Variants in LIPC observed in about 807,000 individuals in gnomAD.
The protein encoded by LIPC is lipase C, hepatic type.
A neutral mutation model predicts 50.7 loss-of-function variants in LIPC; 44 were observed. The ratio of observed to expected loss-of-function variants is 0.87; its 90% CI spans 0.68 to 1.11. The LOEUF (loss-of-function observed/expected upper bound fraction) is 1.11, where lower values mean the gene tolerates loss of function less well. Ranked by LOEUF, LIPC falls within the 50% of genes most tolerant of loss-of-function variation. The pLI is 0.00. For synonymous variants in LIPC, 271 were observed against 256.4 expected (o/e 1.06, Z -0.54); for missense variants, 697 against 648.2 (o/e 1.08, Z -0.82).
intron 1 of LIPC, among the ~76,000 whole-genome samples, chr15:58,445,500 T>C (rs1391020544): frequency 6.6e-6 from 1 of 152,226 alleles, no homozygotes; most frequent in Non-Finnish European, 1.5e-5. Flanking sequence ...GGTGGGATGA[T>C]GGCTGGTGCC....
At chr15:58,530,068 T>C (rs1401497809) in intron 1 of LIPC, among the ~76,000 whole-genome samples, 6 of 149,774 alleles carry the variant, frequency 4.0e-5, no homozygotes, top group African/African-American at 1.5e-4. Context: ...GTGTTACCTA[T>C]ATCCTTGATT....
chr15:58,475,226 C>T (rs877480), intron 1 of LIPC, among the ~76,000 whole-genome samples: 10,777 of 152,250 alleles, frequency 0.071, 496 homozygotes, highest in Non-Finnish European at 0.11. Context: ...CCTGTGCTCC[C>T]ACAACAACAG....
chr15:58,446,393 C>T (rs1414181792), intron 1 of LIPC, among the ~76,000 whole-genome samples: 1 of 152,084 alleles, frequency 6.6e-6, no homozygotes, highest in Non-Finnish European at 1.5e-5. Context: ...CATCACCACA[C>T]CTCAGAAAAT....
chr15:58,558,071 CTTT>C (rs56254789), intron 6 of LIPC, among the ~76,000 whole-genome samples: 232 of 147,754 alleles, frequency 1.6e-3, no homozygotes, highest in African/African-American at 4.9e-3. Context: ...TAGCTCTTTT[CTTT>C]TTTTTTTTTT....
chr15:58,456,318 A>C (rs4775048), intron 1 of LIPC: 15,113 of 152,318 alleles, frequency 0.099, 831 homozygotes, highest in Admixed American at 0.12. Flanking sequence ...GTTAGAAGAA[A>C]ATGCACTTAA....
chr15:58,471,330 G>GGA (rs1555399319), intron 1 of LIPC, among the ~76,000 whole-genome samples: 3 of 118,334 alleles, frequency 2.5e-5, no homozygotes, highest in South Asian at 6.3e-4. Flanking sequence ...AGTAGAGATG[G>GGA]GGGGGGGTGG....
At chr15:58,498,766 G>T (rs1027670315) in intron 1 of LIPC, 5 of 152,316 alleles carry the variant, frequency 3.3e-5, no homozygotes, top group African/African-American at 9.6e-5. Flanking sequence ...ACAAAACCCA[G>T]GTTCAAATCC....
chr15:58,515,154 T>C (rs1419576116), intron 1 of LIPC, among the ~76,000 whole-genome samples: 2 of 152,166 alleles, frequency 1.3e-5, no homozygotes, highest in African/African-American at 4.8e-5. Context: ...TGTGATTACA[T>C]TGGGCCCATT....
chr15:58,548,554 G>A lies in LIPC; in HGVS notation c.1033G>A (p.Ala345Thr). 6.3e-7 allele frequency: 1 copy of A among 1,592,400 alleles called. No individual in the cohort carries two copies. The highest frequency in any genetic ancestry group is 8.5e-7 in the Non-Finnish European group (1 of 1,170,090). ...CAAGAGGCTCTTCCTCGTAACGCGA[G>A]CCCAGTCCCCCTTCAAAGGTGAGTG... ...KSKRLFLVTR[A>T]QSPFKVYHYQ... Residue 345 changes from alanine to threonine, a missense_variant, in exon 6 of 9, where the codon GCC (alanine) becomes ACC (threonine). Coordinates refer to ENST00000299022, the MANE Select transcript of LIPC (RefSeq NM_000236.3).
intron 1 of LIPC, among the ~76,000 whole-genome samples, chr15:58,488,064 A>T (rs1307842673): frequency 2.6e-5 from 4 of 152,238 alleles, no homozygotes; most frequent in African/African-American, 9.6e-5. Context: ...CGAGGTCAGG[A>T]GGTCAAGGCC....
intron 2 of LIPC, among the ~76,000 whole-genome samples, chr15:58,539,590 A>G (rs1380462884): frequency 6.6e-6 from 1 of 152,102 alleles, no homozygotes; most frequent in Admixed American, 6.6e-5. Flanking sequence ...TGTCTACTTC[A>G]TGACTTAGAA....
chr15:58,524,013 T>G (rs1206741304), intron 1 of LIPC, among the ~76,000 whole-genome samples: 1 of 152,140 alleles, frequency 6.6e-6, no homozygotes, highest in African/African-American at 2.4e-5. Flanking sequence ...GAATGTAAAA[T>G]AGAATAGATT....
intron 5 of LIPC, among the ~76,000 whole-genome samples, chr15:58,547,175 G>A (rs1031544223): frequency 2.6e-5 from 4 of 152,178 alleles, no homozygotes; most frequent in Non-Finnish European, 5.9e-5. Flanking sequence ...CCAAGCTTGG[G>A]CTGGTTTTTC....
chr15:58,548,350 T>G lies in LIPC; in HGVS notation c.829T>G (p.Cys277Gly), dbSNP rs1224582155. The G allele has an allele frequency of 6.2e-7, 1 of 1,614,092 alleles. No individual in the cohort carries two copies. The highest frequency in any genetic ancestry group is 8.5e-7 in the Non-Finnish European group (1 of 1,180,008). Residue 277 changes from cysteine to glycine, a missense_variant, in exon 6 of 9, where the codon TGC (cysteine) becomes GGC (glycine). By Grantham distance (159) the Cys-to-Gly change is radical. Coordinates refer to ENST00000299022, the MANE Select transcript of LIPC (RefSeq NM_000236.3). ...GFNAITQTIK[C>G]SHERSVHLFI... ...TCCAGCCATCACCCAGACCATAAAA[T>G]GCTCCCACGAGCGATCGGTGCACCT...
rs1169206357 is a variant in LIPC, at chr15:58,554,628, C to T, written c.1051+6056C>T. 2.6e-5 allele frequency among the ~76,000 whole-genome samples: 4 copies of T among 151,362 alleles called. No homozygotes were observed. The East Asian group carries it at 7.8e-4, about 29-fold the overall frequency. On this transcript the variant is annotated intron_variant, in intron 6 of 8. Transcript: ENST00000299022. ...AAATAATTAGGACTGGGTGTGGCGG[C>T]TCACACCTGTAATCCTAACACTTTG...
At chr15:58,512,548 G>C (rs1427969891) in intron 1 of LIPC, among the ~76,000 whole-genome samples, 7 of 152,210 alleles carry the variant, frequency 4.6e-5, no homozygotes, top group African/African-American at 1.7e-4. Flanking sequence ...GCCTGGGCCG[G>C]CTGGGTCTGC....
chr15:58,514,343 G>A (rs1892422124), intron 1 of LIPC, among the ~76,000 whole-genome samples: 1 of 152,202 alleles, frequency 6.6e-6, no homozygotes, highest in Non-Finnish European at 1.5e-5. Context: ...AGCAGTACCA[G>A]TAGTACCAGT....
chr15:58,451,033 T>C lies in LIPC; in HGVS notation c.88+18913T>C, dbSNP rs192170542. ...TGCTGCCTTCCTTCCCCAGGCAACG[T>C]ACTAGGAAGAATCATGGTTTACTGA... On this transcript the variant is annotated intron_variant, in intron 1 of 8. Transcript: ENST00000299022. Among the ~76,000 whole-genome samples, 11 of 152,284 alleles carry C rather than the reference T, an allele frequency of 7.2e-5. No homozygotes were observed. In the East Asian group the frequency reaches 2.1e-3, roughly 29 times the overall value.
chr15:58,563,505 G>A lies in LIPC; in HGVS notation c.1170G>A (p.Leu390=), dbSNP rs375751743. The part of the protein sequence containing the change: ...KEKMQKIPIT[L]GKGIASNKTY... ...GTCTGATTTTCTTTGTGTATTCAAG[G>A]GGCAAAGGAATTGCTAGTAATAAAA... The change falls in exon 8 of 9, where the codon CTG becomes CTA. Residue 390 remains leucine (L), a splice_region_variant and synonymous_variant. Transcript: ENST00000299022. 1.3e-4 allele frequency: 217 copies of A among 1,612,460 alleles called. No individual in the cohort carries two copies. The highest frequency in any genetic ancestry group is 1.7e-4 in the Non-Finnish European group (198 of 1,178,792).
Sources: gnomAD v4.1 joint callset for allele counts (sites outside exome capture counted in the v4.1 genomes callset) on GRCh38, gnomAD v4.1.1 for gene constraint, MANE v1.5 for transcripts, NCBI Gene and HGNC (gene_info 2026-07-23, HGNC 2026-07-21) for gene names.